Variants in FANCD2OS observed in about 807,000 individuals in gnomAD.
FANCD2OS encodes FANCD2 opposite strand protein.
A neutral mutation model predicts 13.2 loss-of-function variants in FANCD2OS; 11 were observed. The observed-to-expected ratio is 0.83, with a 90% CI of 0.52 to 1.38. The LOEUF is 1.38. Ranked by LOEUF, FANCD2OS falls within the 40% of genes most tolerant of loss-of-function variation. The pLI is 0.00. For synonymous variants in FANCD2OS, 69 were observed against 84.5 expected (o/e 0.82, Z 1.01); for missense variants, 217 against 213.9 (o/e 1.01, Z -0.09).
At chr3:10,086,118 T>C (rs1407219146) in intron 2 of FANCD2OS, among the ~76,000 whole-genome samples, 2 of 152,266 alleles carry the variant, frequency 1.3e-5, no homozygotes, top group Non-Finnish European at 2.9e-5. Flanking sequence ...TGAATAATCA[T>C]GCTAAATCTT....
At chr3:10,103,694 C>T (rs957101666), downstream of FANCD2OS, among the ~76,000 whole-genome samples, 1 of 152,196 alleles carries the variant, frequency 6.6e-6, no homozygotes, top group African/African-American at 2.4e-5. Flanking sequence ...CAAGTTCTTT[C>T]TTGCCAGGCT....
intron 2 of FANCD2OS, chr3:10,095,082 AG>A (rs1694872241): frequency 1.2e-6 from 1 of 816,036 alleles, no homozygotes; most frequent in Admixed American, 2.0e-5. Context: ...GATGATTATC[AG>A]CATAGGCTGG....
intron 1 of FANCD2OS, among the ~76,000 whole-genome samples, chr3:10,105,830 T>C (rs1695484660): frequency 8.2e-6 from 1 of 122,428 alleles, no homozygotes; most frequent in African/African-American, 3.0e-5. Flanking sequence ...ATTTTGAGGT[T>C]CGCGATGTAT....
downstream of FANCD2OS, chr3:10,101,161 C>CTTAT (rs767726902): frequency 6.4e-7 from 1 of 1,574,768 alleles, no homozygotes; most frequent in Non-Finnish European, 8.7e-7. Context: ...ACCTAAAATG[C>CTTAT]TTATTTATTT....
intron 2 of FANCD2OS, chr3:10,088,531 T>A: frequency 6.2e-7 from 1 of 1,600,430 alleles, no homozygotes; most frequent in Non-Finnish European, 8.6e-7. Flanking sequence ...ACCAGCTCCA[T>A]GCTCTGCTCT....
chr3:10,104,193 C>A lies in FANCD2OS; in HGVS notation c.*48G>T. 1 of 1,494,240 alleles carries A rather than the reference C, an allele frequency of 6.7e-7. No homozygotes were observed. The highest frequency in any genetic ancestry group is 1.3e-5 in the South Asian group (1 of 75,818). 92.6% of individuals were successfully genotyped at this position (1,494,240 alleles called of 1,614,324 possible). Reference sequence around the variant, plus strand: ...GACAGGTTTCTGTAAGCTTTAGGTACATACCAAAGGGCATGGTGTGAGTAA... The same window carrying A: ...GACAGGTTTCTGTAAGCTTTAGGTAAATACCAAAGGGCATGGTGTGAGTAA... On this transcript the variant is annotated 3_prime_UTR_variant, in exon 2 of 2. Coordinates refer to ENST00000450660, the MANE Select transcript of FANCD2OS (RefSeq NM_001164839.2).
At chr3:10,091,310 G>A (rs1171014926) in intron 2 of FANCD2OS, among the ~76,000 whole-genome samples, 1 of 151,492 alleles carries the variant, frequency 6.6e-6, no homozygotes, top group African/African-American at 2.4e-5. Context: ...TGAACTCATA[G>A]GCTCAAGCAA....
At chr3:10,092,121 A>T (rs371097813) in intron 2 of FANCD2OS, 1 of 1,119,210 alleles carries the variant, frequency 8.9e-7, no homozygotes, top group African/African-American at 1.5e-5. Context: ...CTTAGTGGGA[A>T]TACAGTAAGG....
intron 2 of FANCD2OS, chr3:10,088,652 G>T (rs1694386807): frequency 9.3e-7 from 1 of 1,079,846 alleles, no homozygotes; most frequent in Admixed American, 1.9e-5. Flanking sequence ...TGAAAACAAT[G>T]AAGTAGGTTA....
downstream of FANCD2OS, chr3:10,101,230 G>A (rs757271511): frequency 2.5e-6 from 4 of 1,613,458 alleles, no homozygotes; most frequent in East Asian, 8.9e-5. Context: ...AAAGGAGCAA[G>A]ATAGTGATGA....
intron 2 of FANCD2OS, among the ~76,000 whole-genome samples, chr3:10,096,879 A>C (rs1694997780): frequency 6.6e-6 from 1 of 152,190 alleles, no homozygotes. Flanking sequence ...ATTACAAATT[A>C]ATCTCTTATT....
chr3:10,091,005 AC>A (rs1470226447), intron 2 of FANCD2OS, among the ~76,000 whole-genome samples: 3 of 151,900 alleles, frequency 2.0e-5, no homozygotes, highest in Non-Finnish European at 2.9e-5. Flanking sequence ...CAGCCTGCTA[AC>A]CAGAACGGAG....
At chr3:10,100,756 G>A (rs1695252704), downstream of FANCD2OS, among the ~76,000 whole-genome samples, 1 of 152,124 alleles carries the variant, frequency 6.6e-6, no homozygotes, top group South Asian at 2.1e-4. Flanking sequence ...TAGAGCTGGA[G>A]GACCATAGCT....
chr3:10,095,487 A>G (rs1445239625), intron 2 of FANCD2OS: 1 of 597,972 alleles, frequency 1.7e-6, no homozygotes, highest in Non-Finnish European at 3.0e-6. Context: ...TTCAAACTCC[A>G]AAGCTCTTTT....
At chr3:10,088,757 G>A in intron 2 of FANCD2OS, 1 of 1,504,266 alleles carries the variant, frequency 6.6e-7, no homozygotes, top group Non-Finnish European at 9.2e-7. Context: ...AGATCATAGA[G>A]GAATTAGAGG....
intron 1 of FANCD2OS, among the ~76,000 whole-genome samples, chr3:10,105,367 CTT>C (rs972244637): frequency 1.3e-5 from 2 of 152,112 alleles, no homozygotes; most frequent in Non-Finnish European, 2.9e-5. Context: ...ATGACAGAGT[CTT>C]TATCTTCTGA....
chr3:10,105,987 A>T (rs1394966839), intron 1 of FANCD2OS, among the ~76,000 whole-genome samples: 1 of 151,176 alleles, frequency 6.6e-6, no homozygotes, highest in Non-Finnish European at 1.5e-5. Context: ...CTATTTTGAG[A>T]ATTTCTTATG....
Position 10,092,099 on chromosome 3 carries a change from C to T in FANCD2OS, c.*44-10568G>A, listed in dbSNP as rs1384017961. On this transcript the variant is annotated intron_variant, in intron 2 of 2. Coordinates refer to the FANCD2OS transcript ENST00000524279. ...TAAATATCTGTATAGCTATGTAATT[C>T]AAGAACTATATCTTAGTGGGAATAC... is the stretch of plus-strand genomic sequence containing the variant. The T allele has an allele frequency of 9.1e-6, 9 of 989,074 alleles. No homozygotes were observed. In the East Asian group the frequency reaches 2.1e-4, roughly 23 times the overall value. 61.3% of individuals were successfully genotyped at this position (989,074 alleles called of 1,614,324 possible). A position where few individuals can be genotyped will look rare whatever the true frequency, so the allele number is the denominator to read the frequency against.
At chr3:10,095,366 T>C (rs1694892570) in intron 2 of FANCD2OS, 1 of 1,025,278 alleles carries the variant, frequency 9.8e-7, no homozygotes, top group Non-Finnish European at 1.5e-6. Flanking sequence ...TCCTTCTTCC[T>C]TTATATCTGG....
Sources: allele counts gnomAD v4.1 joint callset (sites outside exome capture counted in the v4.1 genomes callset), GRCh38; gene constraint gnomAD v4.1.1; transcripts MANE v1.5; gene names NCBI Gene and HGNC (gene_info 2026-07-23, HGNC 2026-07-21).